The following CECR2 variants were observed in gnomAD, a reference collection of about 807,000 sequenced individuals.
The protein encoded by CECR2 is chromatin remodeling regulator CECR2.
In CECR2, 30 loss-of-function variants were observed where a neutral mutation model predicts 154.5. That is an observed-to-expected ratio of 0.19 (90% CI 0.15 to 0.26). The LOEUF is 0.26. Among genes scored for constraint, CECR2 ranks in the 10% least tolerant of loss-of-function variants. The probability of loss-of-function intolerance (pLI) is 1.00; values close to 1 mark genes in which losing one functional copy is unlikely to be tolerated. For missense variants in CECR2, 1,743 were observed against 1,829.3 expected (o/e 0.95, Z 0.86); for synonymous variants, 725 against 683.7 (o/e 1.06, Z -0.94).
intron 2 of CECR2, among the ~76,000 whole-genome samples, chr22:17,494,947 C>T (rs952449587): frequency 6.6e-6 from 1 of 152,196 alleles, no homozygotes; most frequent in African/African-American, 2.4e-5. Context: ...CCCACCTCGG[C>T]CTCCCACAGT....
chr22:17,466,872 G>C (rs1207991270), intron 1 of CECR2, among the ~76,000 whole-genome samples: 1 of 152,200 alleles, frequency 6.6e-6, no homozygotes, highest in African/African-American at 2.4e-5. Flanking sequence ...AATTACAGGC[G>C]TGAGCCACTG....
rs563759095 is a variant in CECR2, at chr22:17,392,285, C to T, written c.126+22376C>T. On this transcript the variant is annotated intron_variant, in intron 1 of 18. Transcript: ENST00000262608. ...CAAAAAAAATTTTTAATTGGCCAGG[C>T]GCAGTGGCCAGCCTGGCCAACATGG... 6.6e-4 allele frequency among the ~76,000 whole-genome samples: 101 copies of T among 151,942 alleles called. 1 individual carries two copies. Among genetic ancestry groups the T allele is most frequent in the African/African-American group, 2.3e-3 (95 of 41,470 alleles).
intron 1 of CECR2, among the ~76,000 whole-genome samples, chr22:17,390,733 C>T (rs181963117): frequency 2.8e-4 from 43 of 152,256 alleles, no homozygotes; most frequent in African/African-American, 1.0e-3. Context: ...CCTCGCCGGT[C>T]CCAAAGTGCT....
intron 1 of CECR2, among the ~76,000 whole-genome samples, chr22:17,361,152 G>A (rs536171037): frequency 4.5e-4 from 69 of 152,176 alleles, no homozygotes; most frequent in African/African-American, 1.6e-3. Context: ...GCCAGAGGGA[G>A]ACCCTGTCTC....
intron 7 of CECR2, 114 bp downstream of exon 7, chr22:17,505,130 C>T: frequency 9.8e-7 from 1 of 1,024,770 alleles, no homozygotes; most frequent in Non-Finnish European, 1.4e-6. Context: ...ATAGTGCAGT[C>T]TTCCATCCTG....
intron 9 of CECR2, among the ~76,000 whole-genome samples, chr22:17,535,978 AT>A (rs1400176473): frequency 6.6e-5 from 10 of 152,098 alleles, no homozygotes; most frequent in Non-Finnish European, 1.2e-4. Flanking sequence ...GCCAGGCACC[AT>A]GGCTCACTCC....
In CECR2 at chr22:17,548,646, A is replaced by G. The variant is rs1168458563; in HGVS notation, c.3359A>G (p.Tyr1120Cys). The stretch of plus-strand genomic sequence containing the variant: ...ACTGTGAGCCAGTTTCCCCCGCTGT[A>G]TATGCCTGGCCTAGAGTACCCGAAT... ...GGTVSQFPPL[Y>C]MPGLEYPNSA... Residue 1120 changes from tyrosine (Y) to cysteine (C), a missense_variant, in exon 17 of 19, where the codon TAT becomes TGT. By Grantham distance (194) the Tyr-to-Cys change is radical (BLOSUM62 -2). This residue lies in a region of CECR2 where 1,250 missense variants were observed against 1,192.1 expected (regional missense o/e 1.05). Transcript: ENST00000262608. 6.2e-7 allele frequency: 1 copy of G among 1,613,078 alleles called. No homozygotes were observed. The highest frequency in any genetic ancestry group is 8.5e-7 in the Non-Finnish European group (1 of 1,179,588).
chr22:17,421,390 C>T (rs1327760007), intron 1 of CECR2, among the ~76,000 whole-genome samples: 4 of 151,682 alleles, frequency 2.6e-5, no homozygotes, highest in African/African-American at 4.9e-5. Flanking sequence ...CCGAGGCGGG[C>T]GGATCACGAG....
chr22:17,538,987 G>T lies in CECR2; in HGVS notation c.1369-6G>T. 1 of 1,612,842 alleles carries T rather than the reference G, an allele frequency of 6.2e-7. No homozygotes were observed. Among genetic ancestry groups the T allele is most frequent in the East Asian group, 2.2e-5 (1 of 44,854 alleles). Reference sequence around the variant, plus strand: ...TTAACTATAAAGAGTTATGTGTCTCGTTTAGGCCCCCATGGATATTTCCAG... The same window carrying T: ...TTAACTATAAAGAGTTATGTGTCTCTTTTAGGCCCCCATGGATATTTCCAG... On this transcript the variant is annotated splice_region_variant and splice_polypyrimidine_tract_variant and intron_variant, in intron 12 of 18. Coordinates refer to ENST00000262608, the MANE Select transcript of CECR2 (RefSeq NM_001290047.2).
Position 17,555,925 on chromosome 22 carries a change from G to A in CECR2, c.*3085G>A, listed in dbSNP as rs543734318. 2 of 152,226 alleles carry A rather than the reference G, an allele frequency of 1.3e-5. No individual in the cohort carries two copies. Among genetic ancestry groups the A allele is most frequent in the South Asian group, 4.1e-4 (2 of 4,824 alleles). The allele number at this position is 152,226 out of a possible 1,614,324, so 9.4% of individuals were successfully genotyped here. On this transcript the variant is annotated 3_prime_UTR_variant, in exon 19 of 19. Transcript: ENST00000262608. ...AGTTGTTAATAAGTTAGAAACTTGT[G>A]TCCCTAAGGCCCAAGAGAAAAGATG...
At chr22:17,444,968 T>C (rs1428530073) in intron 1 of CECR2, among the ~76,000 whole-genome samples, 2 of 152,218 alleles carry the variant, frequency 1.3e-5, no homozygotes, top group East Asian at 1.9e-4. Context: ...TGAAAAATAA[T>C]GTGCTGATTT....
At chr22:17,416,588 C>G (rs1474023551) in intron 1 of CECR2, among the ~76,000 whole-genome samples, 1 of 152,158 alleles carries the variant, frequency 6.6e-6, no homozygotes, top group Non-Finnish European at 1.5e-5. Flanking sequence ...TACAGTGGCA[C>G]TGTCTTGGGT....
At chr22:17,517,116 A>T (rs902042163) in intron 8 of CECR2, among the ~76,000 whole-genome samples, 2 of 151,484 alleles carry the variant, frequency 1.3e-5, no homozygotes, top group South Asian at 2.1e-4. Context: ...TGACCTCGTG[A>T]TCCACCCTCC....
At chr22:17,491,743 C>T (rs978482445) in intron 2 of CECR2, among the ~76,000 whole-genome samples, 3 of 152,034 alleles carry the variant, frequency 2.0e-5, no homozygotes, top group Non-Finnish European at 1.5e-5. Context: ...AAAAAAATAG[C>T]CTTTATCATT....
intron 1 of CECR2, among the ~76,000 whole-genome samples, chr22:17,380,719 G>A (rs2063177451): frequency 1.3e-5 from 2 of 152,198 alleles, no homozygotes; most frequent in African/African-American, 2.4e-5. Flanking sequence ...ACTGCTTCAC[G>A]TTTTCAATGT....
intron 16 of CECR2, among the ~76,000 whole-genome samples, chr22:17,545,270 G>C (rs2056593182): frequency 6.6e-6 from 1 of 150,906 alleles, no homozygotes; most frequent in African/African-American, 2.4e-5. Context: ...AGCTACTTGG[G>C]AGGCTGGGTC....
chr22:17,493,587 C>A (rs1296739782), intron 2 of CECR2, among the ~76,000 whole-genome samples: 1 of 152,070 alleles, frequency 6.6e-6, no homozygotes, highest in Non-Finnish European at 1.5e-5. Flanking sequence ...GATTGTAGGC[C>A]CTCAGGTGTC....
chr22:17,465,724 C>A (rs2055020959), intron 1 of CECR2, among the ~76,000 whole-genome samples: 1 of 151,774 alleles, frequency 6.6e-6, no homozygotes, highest in African/African-American at 2.4e-5. Flanking sequence ...ACCTCGTGAT[C>A]CCCCCGCCTC....
At chr22:17,511,962 CT>C in intron 8 of CECR2, 66 bp downstream of exon 8, 1 of 1,183,498 alleles carries the variant, frequency 8.4e-7, no homozygotes, top group Non-Finnish European at 1.2e-6. Flanking sequence ...TTTTCATGTA[CT>C]TCCATTCCTG....
Sources: gnomAD v4.1 joint callset for allele counts (sites outside exome capture counted in the v4.1 genomes callset) on GRCh38, gnomAD v4.1.1 for gene constraint, gnomAD v4.1.1 regional missense constraint, MANE v1.5 for transcripts, NCBI Gene and HGNC (gene_info 2026-07-23, HGNC 2026-07-21) for gene names.